SNTB2: variants seen among roughly 807,000 people sequenced by gnomAD.
SNTB2 encodes the protein syntrophin beta 2, also known as beta-2-syntrophin.
SNTB2 carries 34 observed loss-of-function variants against 46.2 expected under a neutral mutation model. That is an observed-to-expected ratio of 0.74 (90% CI 0.56 to 0.98). The LOEUF (loss-of-function observed/expected upper bound fraction) is 0.98. SNTB2 is among the 50% of genes least tolerant of loss of function. The pLI, the probability that SNTB2 is intolerant of heterozygous loss-of-function variation, is 0.00. For missense variants in SNTB2, 603 were observed against 731.4 expected (o/e 0.82, Z 2.02); for synonymous variants, 290 against 312.6 (o/e 0.93, Z 0.76).
intron 2 of SNTB2, among the ~76,000 whole-genome samples, chr16:69,247,048 TAA>T (rs957200003): frequency 2.8e-5 from 4 of 143,222 alleles, no homozygotes; most frequent in African/African-American, 1.0e-4. Context: ...TAAAGTATAA[TAA>T]AAAAAATATA....
At position 69,279,515 on chromosome 16, in the gene SNTB2, C is replaced by CTTTTTTTT. The variant is rs57637291; in HGVS notation, c.1149-4512_1149-4505dup. 4.2e-3 allele frequency among the ~76,000 whole-genome samples: 301 copies of CTTTTTTTT among 71,732 alleles called. 37 individuals are homozygous for CTTTTTTTT. Among genetic ancestry groups the CTTTTTTTT allele is most frequent in the African/African-American group, 0.019 (281 of 14,718 alleles). The allele number at this position is 71,732 out of a possible 152,430, so 47.1% of individuals were successfully genotyped here. On this transcript the variant is annotated intron_variant, in intron 4 of 6. Coordinates refer to ENST00000336278, the MANE Select transcript of SNTB2 (RefSeq NM_006750.4). ...TATACCAAGAAGTGGGTCCTTTGCC[C>CTTTTTTTT]TTTTTTTTTTTTTTTTTTTTTTTTT...
chr16:69,299,625 A>G lies in SNTB2; in HGVS notation c.1381A>G (p.Ile461Val), dbSNP rs1408065468. 6.2e-7 allele frequency: 1 copy of G among 1,614,178 alleles called. No individual in the cohort carries two copies. Among genetic ancestry groups the G allele is most frequent in the Non-Finnish European group, 8.5e-7 (1 of 1,180,028 alleles). The change falls in exon 6 of 7, where the codon ATT becomes GTT. Residue 461 changes from isoleucine (I) to valine (V), a missense_variant. Coordinates refer to ENST00000336278, the MANE Select transcript of SNTB2 (RefSeq NM_006750.4). Reference protein sequence around the residue: ...MLNGQEVRLTIHYENGFTISR... With the variant: ...MLNGQEVRLTVHYENGFTISR... ...AAATGGCCAAGAGGTGAGGCTTACT[A>G]TTCACTATGAAAATGGGTTCACCAT...
In SNTB2 at chr16:69,284,540, G is replaced by A. The variant is rs1216378523; in HGVS notation, c.1345+296G>A. On this transcript the variant is annotated intron_variant, in intron 5 of 6. Transcript: ENST00000336278. ...TGTAATCCCAGAGCTTTGGGAGGCCGAGGCAGGTGGATTGCCTGAGCTCAG... is the reference window on the plus strand; with the variant it reads ...TGTAATCCCAGAGCTTTGGGAGGCCAAGGCAGGTGGATTGCCTGAGCTCAG... Among the ~76,000 whole-genome samples, 6 of 148,746 alleles carry A rather than the reference G, an allele frequency of 4.0e-5. 1 individual carries two copies. Among genetic ancestry groups the A allele is most frequent in the Admixed American group, 2.0e-4 (3 of 14,728 alleles).
At chr16:69,286,976 C>G (rs577165729) in intron 5 of SNTB2, among the ~76,000 whole-genome samples, 1 of 152,108 alleles carries the variant, frequency 6.6e-6, no homozygotes, top group East Asian at 1.9e-4. Flanking sequence ...TGGATAGGCG[C>G]CCTTAAAAGA....
intron 1 of SNTB2, among the ~76,000 whole-genome samples, chr16:69,242,818 G>A (rs771203435): frequency 1.4e-4 from 21 of 152,196 alleles, no homozygotes; most frequent in African/African-American, 2.9e-4. Context: ...TCTGGAGATC[G>A]AGACCATCCT....
chr16:69,287,214 A>C (rs1332896286), intron 5 of SNTB2, among the ~76,000 whole-genome samples: 1 of 152,086 alleles, frequency 6.6e-6, no homozygotes, highest in Non-Finnish European at 1.5e-5. Context: ...GATATTTGCA[A>C]ATTTTTTTCT....
chr16:69,281,056 A>G (rs989722169), intron 4 of SNTB2, among the ~76,000 whole-genome samples: 2 of 152,086 alleles, frequency 1.3e-5, no homozygotes, highest in South Asian at 4.1e-4. Context: ...CGGCCTCCCA[A>G]AGTGCTGGGA....
intron 1 of SNTB2, among the ~76,000 whole-genome samples, chr16:69,193,884 A>C (rs1386647021): frequency 2.0e-5 from 3 of 152,146 alleles, no homozygotes; most frequent in Non-Finnish European, 4.4e-5. Context: ...TTGTCATTGC[A>C]GTTTCTCTGT....
intron 2 of SNTB2, among the ~76,000 whole-genome samples, chr16:69,255,637 T>C (rs1017212127): frequency 2.0e-5 from 3 of 151,780 alleles, no homozygotes. Context: ...TCCCAATACT[T>C]TGGGAGGCTG....
At chr16:69,258,413 T>C (rs913896070) in intron 2 of SNTB2, among the ~76,000 whole-genome samples, 2 of 152,076 alleles carry the variant, frequency 1.3e-5, no homozygotes, top group Admixed American at 6.5e-5. Context: ...ATTTAAAATA[T>C]TTTAGCTATT....
chr16:69,273,632 G>T (rs1420290354), intron 4 of SNTB2, among the ~76,000 whole-genome samples: 1 of 152,144 alleles, frequency 6.6e-6, no homozygotes, highest in Non-Finnish European at 1.5e-5. Flanking sequence ...TGAATGTGGT[G>T]ATGGTTGCAA....
rs1300299812 is a variant in SNTB2, at chr16:69,307,417, A to G, written c.*6493A>G. 1 of 152,250 alleles carries G rather than the reference A, an allele frequency of 6.6e-6. No individual in the cohort carries two copies. The highest frequency in any genetic ancestry group is 2.4e-5 in the African/African-American group (1 of 41,458). The allele number at this position is 152,250 out of a possible 1,614,324, so 9.4% of individuals were successfully genotyped here. ...GCAAATTTAGACTTTAGTTTGGGAA[A>G]GAGAACAGTATACAGTATCCTTTGT... On this transcript the variant is annotated 3_prime_UTR_variant, in exon 7 of 7. Transcript: ENST00000336278.
chr16:69,272,557 A>G (rs1458170933), intron 4 of SNTB2, among the ~76,000 whole-genome samples: 5 of 150,586 alleles, frequency 3.3e-5, no homozygotes, highest in Non-Finnish European at 5.9e-5. Flanking sequence ...AAAAAAAAAA[A>G]AGAGATAATT....
At chr16:69,202,801 C>T (rs1964176804) in intron 1 of SNTB2, among the ~76,000 whole-genome samples, 2 of 151,936 alleles carry the variant, frequency 1.3e-5, no homozygotes, top group Admixed American at 6.6e-5. Flanking sequence ...GTCTCGACCT[C>T]CTGGCCTCAA....
chr16:69,202,292 G>T (rs1297469607), intron 1 of SNTB2, among the ~76,000 whole-genome samples: 1 of 152,038 alleles, frequency 6.6e-6, no homozygotes, highest in African/African-American at 2.4e-5. Context: ...CATGTCCCTA[G>T]TTAGTAGGCA....
At position 69,270,189 on chromosome 16, in the gene SNTB2, C is replaced by A. The variant is rs1288821510; in HGVS notation, c.1052C>A (p.Ala351Asp). ...CAGCAATGGAGACCTGTCCTCATGG[C>A]TGTGACTGAGAAGGATTTGCTGCTC... ...GRQQWRPVLMAVTEKDLLLYD... is the reference protein window; with the variant it reads ...GRQQWRPVLMDVTEKDLLLYD... The change falls in exon 4 of 7, where the codon GCT (alanine) becomes GAT (aspartate). Residue 351 changes from alanine to aspartate, a missense_variant. Around this residue, in one of 2 missense-constraint regions of SNTB2, gnomAD observed 537 missense variants for 692.4 expected, o/e 0.78. Transcript: ENST00000336278. 3 of 1,614,084 alleles carry A rather than the reference C, an allele frequency of 1.9e-6. No individual in the cohort carries two copies. Among genetic ancestry groups the A allele is most frequent in the Non-Finnish European group, 2.5e-6 (3 of 1,180,024 alleles).
chr16:69,272,715 A>AACCC (rs1311125229), intron 4 of SNTB2, among the ~76,000 whole-genome samples: 1 of 151,224 alleles, frequency 6.6e-6, no homozygotes, highest in Non-Finnish European at 1.5e-5. Context: ...AACATGGTGA[A>AACCC]ACCCCGTCCC....
intron 4 of SNTB2, among the ~76,000 whole-genome samples, chr16:69,278,478 C>T (rs533681942): frequency 0.019 from 2,577 of 133,996 alleles, 79 homozygotes; most frequent in African/African-American, 0.068. Flanking sequence ...TTTTTTGAGA[C>T]GGAGTCTTGC....
At chr16:69,279,154 GAAC>G (rs1167830033) in intron 4 of SNTB2, among the ~76,000 whole-genome samples, 2 of 151,950 alleles carry the variant, frequency 1.3e-5, no homozygotes, top group African/African-American at 4.8e-5. Context: ...TATATCTATT[GAAC>G]AACAATTCTC....
Sources: allele counts gnomAD v4.1 joint callset (sites outside exome capture counted in the v4.1 genomes callset), GRCh38; gene constraint gnomAD v4.1.1; regional missense constraint gnomAD v4.1.1; transcripts MANE v1.5; gene names NCBI Gene and HGNC (gene_info 2026-07-23, HGNC 2026-07-21).